The following BCLAF3 variants were observed in gnomAD, a reference collection of about 807,000 sequenced individuals.
BCLAF3 encodes transient octamer binding factor 1.
A neutral mutation model predicts 51.2 loss-of-function variants in BCLAF3; 24 were observed. The ratio of observed to expected loss-of-function variants is 0.47; its 90% CI spans 0.34 to 0.66. BCLAF3 has a LOEUF of 0.66. Among genes scored for constraint, BCLAF3 ranks in the 30% least tolerant of loss-of-function variants. BCLAF3 has a pLI of 0.01. For missense variants in BCLAF3, 465 were observed against 525.1 expected (o/e 0.89, Z 1.12); for synonymous variants, 152 against 176.6 (o/e 0.86, Z 1.10).
In BCLAF3 at chrX:19,965,464, C is replaced by A. The variant is rs777728864; in HGVS notation, c.854G>T (p.Arg285Leu). Residue 285 changes from arginine (R) to leucine (L), a missense_variant, in exon 4 of 12, where the codon CGT (arginine) becomes CTT (leucine). Transcript: ENST00000379682. ...TKVSYDYRHK[R>L]PKLLDGDQDF... Reference sequence around the variant, plus strand: ...CTGGTCCCCATCCAAGAGCTTAGGACGTTTGTGACGATAGTCATAGGATAC... The same window carrying A: ...CTGGTCCCCATCCAAGAGCTTAGGAAGTTTGTGACGATAGTCATAGGATAC... 1 of 1,211,491 alleles carries A rather than the reference C, an allele frequency of 8.3e-7. No homozygotes were observed.
chrX:19,971,674 C>T lies in BCLAF3; in HGVS notation c.-34-1376G>A, dbSNP rs985971692. On this transcript the variant is annotated intron_variant, in intron 1 of 11. Coordinates refer to ENST00000379682, the MANE Select transcript of BCLAF3 (RefSeq NM_001367774.2). Reference sequence around the variant, plus strand: ...TCAGTAGTCCTCCTCAGTTCTGATACGAATATTAAGTAGTTCCTAACTTAG... The same window carrying T: ...TCAGTAGTCCTCCTCAGTTCTGATATGAATATTAAGTAGTTCCTAACTTAG... Among the ~76,000 whole-genome samples, 6 of 111,837 alleles carry T rather than the reference C, an allele frequency of 5.4e-5. No homozygotes were observed. In the East Asian group the frequency reaches 1.1e-3, roughly 21 times the overall value.
chrX:19,969,342 C>CT (rs1407931057), intron 2 of BCLAF3, among the ~76,000 whole-genome samples: 1 of 111,728 alleles, frequency 9.0e-6, no homozygotes, highest in East Asian at 2.8e-4. Context: ...CTTGGTCTGC[C>CT]TTTTTTGTGT....
At chrX:19,985,779 C>CA (rs1351233475) in intron 1 of BCLAF3, among the ~76,000 whole-genome samples, 4 of 108,895 alleles carry the variant, frequency 3.7e-5, no homozygotes, top group South Asian at 3.9e-4. Flanking sequence ...CTTGTCTCTA[C>CA]AAAAAAAAAT....
At chrX:19,949,891 C>T (rs1395942880) in intron 8 of BCLAF3, among the ~76,000 whole-genome samples, 4 of 111,573 alleles carry the variant, frequency 3.6e-5, no homozygotes, top group African/African-American at 1.3e-4. Context: ...TTGTCCTGTT[C>T]AATTATACCT....
chrX:19,977,659 G>A (rs2072471650), intron 1 of BCLAF3, among the ~76,000 whole-genome samples: 1 of 112,720 alleles, frequency 8.9e-6, no homozygotes, highest in South Asian at 3.6e-4. Flanking sequence ...TGACGGAGAA[G>A]CTGCAGCAAG....
chrX:19,985,511 A>G (rs1273045039), intron 1 of BCLAF3, among the ~76,000 whole-genome samples: 1 of 111,737 alleles, frequency 8.9e-6, no homozygotes, highest in African/African-American at 3.3e-5. Context: ...GCTAAAGCCC[A>G]GGAATTCAAG....
rs748679368 is a variant in BCLAF3 at position 19,990,922 on chromosome X, CCCGCCGCCGCCGCCGCCG to C, written c.-67_-50del. The stretch of plus-strand genomic sequence containing the variant: ...GAGCCGCTCACCCGGCCGGGAAGCC[CCCGCCGCCGCCGCCGCCG>C]CCGCCGCCGCCGCCGCCGCCGCCGC... On this transcript the variant is annotated 5_prime_UTR_variant, in exon 1 of 12. Coordinates refer to ENST00000379682, the MANE Select transcript of BCLAF3 (RefSeq NM_001367774.2). Among the ~76,000 whole-genome samples the C allele has an allele frequency of 7.5e-3, 636 of 84,581 alleles. 5 individuals are homozygous for C. Among genetic ancestry groups the C allele is most frequent in the African/African-American group, 0.019 (427 of 22,235 alleles). The allele number at this position is 84,581 out of a possible 115,157, so 73.4% of individuals were successfully genotyped here. A position where few individuals can be genotyped will look rare whatever the true frequency, so the allele number is the denominator to read the frequency against.
At chrX:19,957,150 T>C (rs1164513111) in intron 4 of BCLAF3, among the ~76,000 whole-genome samples, 1 of 111,850 alleles carries the variant, frequency 8.9e-6, no homozygotes, top group African/African-American at 3.2e-5. Context: ...AAAGTAATCA[T>C]GCAGCAGGTT....
At chrX:19,954,902 G>A (rs941386169) in intron 5 of BCLAF3, among the ~76,000 whole-genome samples, 5 of 111,473 alleles carry the variant, frequency 4.5e-5, no homozygotes, top group Admixed American at 2.9e-4. Flanking sequence ...TATTTATTAC[G>A]CAACTCCCAG....
chrX:19,964,408 T>C lies in BCLAF3; in HGVS notation c.1274+636A>G, dbSNP rs780015302. Among the ~76,000 whole-genome samples the C allele has an allele frequency of 2.1e-4, 23 of 111,917 alleles. No individual in the cohort carries two copies. In the South Asian group the frequency reaches 8.6e-3, roughly 42 times the overall value. Reference sequence around the variant, plus strand: ...ATTAAGGGCTAAAGTAAATGTCTTATAAATAGGTATCTTCCCAGATTATGG... The same window carrying C: ...ATTAAGGGCTAAAGTAAATGTCTTACAAATAGGTATCTTCCCAGATTATGG... On this transcript the variant is annotated intron_variant, in intron 4 of 11. Transcript: ENST00000379682.
intron 11 of BCLAF3, among the ~76,000 whole-genome samples, chrX:19,924,360 A>T (rs903721933): frequency 1.8e-4 from 20 of 111,539 alleles, no homozygotes; most frequent in Admixed American, 2.9e-4. Flanking sequence ...ACCAAATAAG[A>T]CAGAGAAGGC....
At chrX:19,981,271 C>T (rs2072602654) in intron 1 of BCLAF3, among the ~76,000 whole-genome samples, 1 of 111,361 alleles carries the variant, frequency 9.0e-6, no homozygotes, top group Non-Finnish European at 1.9e-5. Context: ...TAGAAGAAAA[C>T]ATAAAAATAA....
intron 7 of BCLAF3, among the ~76,000 whole-genome samples, chrX:19,951,967 G>A (rs753461665): frequency 1.8e-5 from 2 of 111,445 alleles, no homozygotes; most frequent in Non-Finnish European, 3.8e-5. Flanking sequence ...AGGTCATAGC[G>A]AATTCAGAGA....
chrX:19,980,846 C>T (rs986064684), intron 1 of BCLAF3, among the ~76,000 whole-genome samples: 3 of 107,417 alleles, frequency 2.8e-5, no homozygotes, highest in East Asian at 2.9e-4. Flanking sequence ...GGCTGAGACA[C>T]GAGAATCGCT....
In BCLAF3 at chrX:19,917,303, G is replaced by A. The variant is rs746609368; in HGVS notation, c.*2C>T. On this transcript the variant is annotated 3_prime_UTR_variant, in exon 12 of 12. Transcript: ENST00000379682. ...CGTCATTTCCATTTGTACGATTTCA[G>A]ATTAGATTCCTGTGGCAACATCTGT... The A allele has an allele frequency of 1.7e-6, 2 of 1,199,791 alleles. No individual in the cohort carries two copies. Among genetic ancestry groups the A allele is most frequent in the Admixed American group, 4.4e-5 (2 of 45,318 alleles).
chrX:19,919,277 TG>T (rs1158439398), intron 11 of BCLAF3, among the ~76,000 whole-genome samples: 2 of 112,316 alleles, frequency 1.8e-5, no homozygotes, highest in African/African-American at 6.5e-5. Context: ...CCTACCATAT[TG>T]ATTTTCTCTT....
rs144753447 is a variant in BCLAF3 at position 19,988,480 on chromosome X, G to T, written c.-35+2428C>A. Among the ~76,000 whole-genome samples the T allele has an allele frequency of 4.5e-5, 5 of 111,881 alleles. No individual in the cohort carries two copies. The East Asian group carries it at 1.4e-3, about 31-fold the overall frequency. ...TGTGCTCTGAAATTTCTACCAGATG[G>T]TAATAACATGGCCGGGTGCAGTGGC... On this transcript the variant is annotated intron_variant, in intron 1 of 11. Coordinates refer to ENST00000379682, the MANE Select transcript of BCLAF3 (RefSeq NM_001367774.2).
intron 10 of BCLAF3, among the ~76,000 whole-genome samples, chrX:19,933,664 C>G (rs945427006): frequency 8.9e-6 from 1 of 112,538 alleles, no homozygotes; most frequent in Non-Finnish European, 1.9e-5. Context: ...CAGAGCTAAT[C>G]TTGAGACTGA....
chrX:19,939,397 TA>T (rs1275635720), intron 8 of BCLAF3, among the ~76,000 whole-genome samples: 7 of 112,164 alleles, frequency 6.2e-5, no homozygotes, highest in African/African-American at 2.3e-4. Context: ...GTATCCAGAA[TA>T]TATAAAGAAC....
Sources: allele counts gnomAD v4.1 joint callset (sites outside exome capture counted in the v4.1 genomes callset), GRCh38; gene constraint gnomAD v4.1.1; transcripts MANE v1.5; gene names NCBI Gene and HGNC (gene_info 2026-07-23, HGNC 2026-07-21).